Variants in PRPF31 observed in about 807,000 individuals in gnomAD.
PRPF31 encodes U4/U6 small nuclear ribonucleoprotein Prp31.
A neutral mutation model predicts 60.4 loss-of-function variants in PRPF31; 12 were observed. The observed-to-expected ratio is 0.20, with a 90% CI of 0.13 to 0.32. The LOEUF (loss-of-function observed/expected upper bound fraction) is 0.32, where lower values mean the gene tolerates loss of function less well. PRPF31 is among the 10% of genes least tolerant of loss of function. The probability of loss-of-function intolerance (pLI) is 1.00; values close to 1 mark genes in which losing one functional copy is unlikely to be tolerated. For missense variants in PRPF31, 431 were observed against 687.1 expected (o/e 0.63, Z 4.17); for synonymous variants, 287 against 287.9 (o/e 1.00, Z 0.03).
intron 1 of PRPF31, among the ~76,000 whole-genome samples, chr19:54,117,278 C>T (rs1175489370): frequency 1.3e-5 from 2 of 152,002 alleles, no homozygotes; most frequent in South Asian, 2.1e-4. Context: ...ATCAAATGCT[C>T]GCAGATGAGA....
At chr19:54,128,685 G>T (rs587667371) in intron 11 of PRPF31, among the ~76,000 whole-genome samples, 1 of 152,100 alleles carries the variant, frequency 6.6e-6, no homozygotes, top group African/African-American at 2.4e-5. Flanking sequence ...CCCCGTCCCT[G>T]GGCCCCGCCA....
intron 5 of PRPF31, chr19:54,123,151 C>A (rs898772811): frequency 1.8e-6 from 1 of 548,100 alleles, no homozygotes; most frequent in Non-Finnish European, 3.3e-6. Context: ...AGCGAGGCCG[C>A]GGATTTGCAC....
intron 5 of PRPF31, 171 bp from the exon 6 acceptor site, chr19:54,123,283 G>C: frequency 1.5e-6 from 1 of 673,394 alleles, no homozygotes; most frequent in Non-Finnish European, 2.7e-6. Flanking sequence ...ACGTGGTGGA[G>C]GCAGGAATGG....
At chr19:54,129,575 G>C (rs994453975) in intron 13 of PRPF31, among the ~76,000 whole-genome samples, 1 of 146,212 alleles carries the variant, frequency 6.8e-6, no homozygotes, top group Non-Finnish European at 1.5e-5. Flanking sequence ...AGCAGTCCTC[G>C]TGAGCACGCA....
At chr19:54,129,886 C>T (rs1246563485) in intron 13 of PRPF31, among the ~76,000 whole-genome samples, 8 of 152,130 alleles carry the variant, frequency 5.3e-5, no homozygotes, top group South Asian at 2.1e-4. Flanking sequence ...GAGACAGCAG[C>T]GAGCTCATCT....
At chr19:54,118,511 G>C (rs1213204337) in intron 2 of PRPF31, 56 bp downstream of exon 2, 72 of 1,613,530 alleles carry the variant, frequency 4.5e-5, no homozygotes, top group South Asian at 2.3e-4. Flanking sequence ...CTCCCAGAAG[G>C]GGGTGATACA....
chr19:54,123,886 T>C lies in PRPF31; in HGVS notation c.665T>C (p.Ile222Thr). 1 of 1,614,008 alleles carries C rather than the reference T, an allele frequency of 6.2e-7. No homozygotes were observed. Among genetic ancestry groups the C allele is most frequent in the Non-Finnish European group, 8.5e-7 (1 of 1,180,004 alleles). The change falls in exon 7 of 14, where the codon ATT becomes ACT. Residue 222 changes from isoleucine to threonine, a missense_variant. Ile to Thr is a moderately conservative substitution (Grantham distance 89). This residue lies in a region of PRPF31 where 314 missense variants were observed against 475.3 expected (regional missense o/e 0.66). Coordinates refer to ENST00000321030, the MANE Select transcript of PRPF31 (RefSeq NM_015629.4). ...TTCATCGCACCCAACCTGTCCATCA[T>C]TATCGGGGCATCCACGGCCGCCAAG... ...MSFIAPNLSI[I>T]IGASTAAKIM...
intron 3 of PRPF31, among the ~76,000 whole-genome samples, chr19:54,121,149 A>C (rs1233917844): frequency 1.3e-5 from 2 of 151,964 alleles, no homozygotes; most frequent in South Asian, 2.1e-4. Flanking sequence ...AACAAACAAA[A>C]AAAATTAGCC....
rs1192763183 is a variant in PRPF31, at chr19:54,118,937, T to C, written c.238+304T>C. 3 of 443,206 alleles carry C rather than the reference T, an allele frequency of 6.8e-6. No individual in the cohort carries two copies. In the East Asian group the frequency reaches 1.0e-4, roughly 15 times the overall value. 27.5% of individuals were successfully genotyped at this position (443,206 alleles called of 1,614,324 possible). On this transcript the variant is annotated intron_variant, in intron 3 of 13. Transcript: ENST00000321030. Reference sequence around the variant, plus strand: ...GGTTTTTGCCACATCTATAAGCCGCTTATCCTATTATTTGCTTAACATATT... The same window carrying C: ...GGTTTTTGCCACATCTATAAGCCGCCTATCCTATTATTTGCTTAACATATT...
chr19:54,118,725 T>C (rs114836081), intron 3 of PRPF31, 92 bp downstream of exon 3: 15,680 of 1,279,118 alleles, frequency 0.012, 203 homozygotes, highest in African/African-American at 0.054. Context: ...GTATATCTCC[T>C]TCTCAGCCTT....
intron 2 of PRPF31, 55 bp from the exon 3 acceptor site, chr19:54,118,518 T>TA: frequency 6.2e-7 from 1 of 1,613,502 alleles, no homozygotes; most frequent in Non-Finnish European, 8.5e-7. Flanking sequence ...AAGGGGGTGA[T>TA]ACAGGCTTCT....
rs373489292 is a variant in PRPF31, at chr19:54,123,952, G to A, written c.697+34G>A. The A allele has an allele frequency of 5.2e-5, 83 of 1,611,294 alleles. No individual in the cohort carries two copies. In the African/African-American group the frequency reaches 7.1e-4, roughly 14 times the overall value. On this transcript the variant is annotated intron_variant, in intron 7 of 13. Transcript: ENST00000321030. Reference sequence around the variant, plus strand: ...CCGGGCTGGGTCCCATGGAGCGGGGGTCTGCTGACACTGTGACCTTGGGAA... The same window carrying A: ...CCGGGCTGGGTCCCATGGAGCGGGGATCTGCTGACACTGTGACCTTGGGAA...
At chr19:54,119,052 C>CA (rs138036413) in intron 3 of PRPF31, among the ~76,000 whole-genome samples, 1,713 of 152,194 alleles carry the variant, frequency 0.011, 33 homozygotes, top group African/African-American at 0.039. Flanking sequence ...TTGGCAAAGA[C>CA]AAAGTCACTG....
chr19:54,117,989 A>G (rs1322270039), intron 1 of PRPF31, among the ~76,000 whole-genome samples: 1 of 152,192 alleles, frequency 6.6e-6, no homozygotes, highest in African/African-American at 2.4e-5. Flanking sequence ...TAAAGGCAAG[A>G]AAGGAATAAG....
intron 7 of PRPF31, 81 bp downstream of exon 7, chr19:54,123,999 A>G (rs1302507162): frequency 1.9e-6 from 3 of 1,593,020 alleles, no homozygotes; most frequent in Non-Finnish European, 1.7e-6. Flanking sequence ...TTTCTGTAGA[A>G]TGGGGGCTTT....
intron 7 of PRPF31, 51 bp downstream of exon 7, chr19:54,123,969 C>T: frequency 6.2e-7 from 1 of 1,608,426 alleles, no homozygotes; most frequent in South Asian, 1.1e-5. Flanking sequence ...GACACTGTGA[C>T]CTTGGGAAAG....
chr19:54,123,939 C>T (rs1224369741), intron 7 of PRPF31, 21 bp downstream of exon 7: 3 of 1,612,712 alleles, frequency 1.9e-6, no homozygotes, highest in East Asian at 4.5e-5. Context: ...GGGCTGGGTC[C>T]CATGGAGCGG....
rs1410470742 is a variant in PRPF31 at position 54,128,150 on chromosome 19, G to A, written c.1023G>A (p.Lys341=). The change falls in exon 10 of 14, where the codon AAG becomes AAA. Residue 341 remains lysine (K), a synonymous_variant. Transcript: ENST00000321030. ...AGCCGCCGCCTGTGAAGCAGGTGAA[G>A]CCGCTGCCTGCGCCCCTGGATGGAC... The part of the protein sequence containing the change: ...WQEPPPVKQV[K]PLPAPLDGQR... The A allele has an allele frequency of 3.8e-6, 6 of 1,560,344 alleles. No individual in the cohort carries two copies. In the Admixed American group the frequency reaches 9.8e-5, roughly 25 times the overall value.
At chr19:54,121,782 C>T (rs1440648336) in intron 3 of PRPF31, 78 bp from the exon 4 acceptor site, 1 of 1,405,284 alleles carries the variant, frequency 7.1e-7, no homozygotes, top group African/African-American at 1.4e-5. Context: ...CAACTTCATC[C>T]TCCGCCTCCT....
Sources: gnomAD v4.1 joint callset for allele counts (sites outside exome capture counted in the v4.1 genomes callset) on GRCh38, gnomAD v4.1.1 for gene constraint, gnomAD v4.1.1 regional missense constraint, MANE v1.5 for transcripts, NCBI Gene and HGNC (gene_info 2026-07-23, HGNC 2026-07-21) for gene names.